Variants in ATRIP observed in about 807,000 individuals in gnomAD.
The protein encoded by ATRIP is ATR-interacting protein.
ATRIP carries 44 observed loss-of-function variants against 78.1 expected under a neutral mutation model. That is an observed-to-expected ratio of 0.56 (90% confidence interval 0.44 to 0.72). The LOEUF is 0.72. Among genes scored for constraint, ATRIP ranks in the 30% least tolerant of loss-of-function variants. ATRIP has a pLI of 0.00. For synonymous variants in ATRIP, 388 were observed against 408.9 expected (o/e 0.95, Z 0.62); for missense variants, 927 against 980.2 (o/e 0.95, Z 0.72).
chr3:48,454,219 A>T, intron 3 of ATRIP, 81 bp from the exon 4 acceptor site: 1 of 774,110 alleles, frequency 1.3e-6, no homozygotes, highest in Non-Finnish European at 2.2e-6. Flanking sequence ...TTTGTCTTTT[A>T]CTGGCTTGTG....
rs754998766 is a variant in ATRIP at position 48,467,242 on chromosome 3, C to T, written c.*1688C>T. 25 of 1,614,000 alleles carry T rather than the reference C, an allele frequency of 1.5e-5. No homozygotes were observed. Among genetic ancestry groups the T allele is most frequent in the Admixed American group, 6.7e-5 (4 of 60,008 alleles). On this transcript the variant is annotated 3_prime_UTR_variant, in exon 13 of 13. Transcript: ENST00000320211. Reference sequence around the variant, plus strand: ...GGGCAGTCCCCTCCAGACTCGCACACGGCTGAGGGTGATGTCCTGGCCCTG... The same window carrying T: ...GGGCAGTCCCCTCCAGACTCGCACATGGCTGAGGGTGATGTCCTGGCCCTG...
chr3:48,467,295 G>T lies in ATRIP; in HGVS notation c.*1741G>T. Reference sequence around the variant, plus strand: ...CAGCATCTGTCAGTGGAGACCACAGGCCCTGCTGCGGTGGGTGGATGCTCA... The same window carrying T: ...CAGCATCTGTCAGTGGAGACCACAGTCCCTGCTGCGGTGGGTGGATGCTCA... On this transcript the variant is annotated 3_prime_UTR_variant, in exon 13 of 13. Coordinates refer to ENST00000320211, the MANE Select transcript of ATRIP (RefSeq NM_130384.3). 2 of 1,614,156 alleles carry T rather than the reference G, an allele frequency of 1.2e-6. No homozygotes were observed. Among genetic ancestry groups the T allele is most frequent in the Non-Finnish European group, 1.7e-6 (2 of 1,180,026 alleles).
Position 48,466,354 on chromosome 3 carries a change from A to G in ATRIP, c.*800A>G. 1.6e-6 allele frequency: 2 copies of G among 1,215,322 alleles called. No homozygotes were observed. Among genetic ancestry groups the G allele is most frequent in the South Asian group, 1.3e-5 (1 of 78,006 alleles). 75.3% of individuals were successfully genotyped at this position (1,215,322 alleles called of 1,614,324 possible). ...TGGGATGGCGCAGGGCAGGAGGGCC[A>G]TGGGTTCCCCCACCCCAGACTAAGG... is the stretch of plus-strand genomic sequence containing the variant. On this transcript the variant is annotated 3_prime_UTR_variant, in exon 13 of 13. Transcript: ENST00000320211.
rs1392616969 is a variant in ATRIP at position 48,460,158 on chromosome 3, G to A, written c.1104G>A (p.Gly368=). The A allele has an allele frequency of 6.2e-7, 1 of 1,613,886 alleles. No homozygotes were observed. The highest frequency in any genetic ancestry group is 1.7e-5 in the Admixed American group (1 of 59,990). Residue 368 remains glycine, a synonymous_variant, in exon 8 of 13, where the codon GGG becomes GGA. Transcript: ENST00000320211. ...SGLRTTGSYD[G]SFSLSALREA... is the part of the protein sequence containing the mutation. ...TCAGGACCACAGGTTCTTATGATGG[G>A]TCATTTTCCCTCTCAGCCCTGAGAG...
chr3:48,451,891 T>C lies in ATRIP; in HGVS notation c.544T>C (p.Ser182Pro). 1 of 1,602,818 alleles carries C rather than the reference T, an allele frequency of 6.2e-7. No homozygotes were observed. The highest frequency in any genetic ancestry group is 8.5e-7 in the Non-Finnish European group (1 of 1,174,156). Residue 182 changes from serine to proline, a missense_variant, in exon 3 of 13, where the codon TCC becomes CCC. By Grantham distance (74) the Ser-to-Pro change is moderately conservative. Transcript: ENST00000320211. ...ACTCAGTGACAAGGAAAAGGAATTC[T>C]CCAAAAAGGTGACCCAGAGCATTTG... is the stretch of plus-strand genomic sequence containing the variant. Reference protein sequence around the residue: ...QALSDKEKEFSKKLQSLQSEL... With the variant: ...QALSDKEKEFPKKLQSLQSEL...
At position 48,450,580 on chromosome 3, in the gene ATRIP, G is replaced by A. The variant is rs966874811; in HGVS notation, c.381+410G>A. ...GTGGAATTTTAGTTGTGCAAGGTAT[G>A]TGACCCAGATTTTTTTTTTTTTTTT... On this transcript the variant is annotated intron_variant, in intron 2 of 12. Transcript: ENST00000320211. 2.5e-5 allele frequency: 30 copies of A among 1,204,736 alleles called. No individual in the cohort carries two copies. In the Middle Eastern group the frequency reaches 7.6e-4, roughly 30 times the overall value. 74.6% of individuals were successfully genotyped at this position (1,204,736 alleles called of 1,614,324 possible). A position where few individuals can be genotyped will look rare whatever the true frequency, so the allele number is the denominator to read the frequency against.
At chr3:48,447,821 A>G (rs1455086704) in intron 1 of ATRIP, among the ~76,000 whole-genome samples, 2 of 152,200 alleles carry the variant, frequency 1.3e-5, no homozygotes, top group Non-Finnish European at 2.9e-5. Flanking sequence ...GCAGACATTC[A>G]GAGAATGATG....
chr3:48,452,504 G>A (rs1394572520), intron 3 of ATRIP, among the ~76,000 whole-genome samples: 2 of 151,896 alleles, frequency 1.3e-5, no homozygotes, highest in Non-Finnish European at 2.9e-5. Flanking sequence ...CAACTAGTGA[G>A]ACCTCATCTC....
rs768972047 is a variant in ATRIP at position 48,463,797 on chromosome 3, C to T, written c.1798C>T (p.Leu600=). The T allele has an allele frequency of 1.2e-6, 2 of 1,614,070 alleles. No homozygotes were observed. Among genetic ancestry groups the T allele is most frequent in the South Asian group, 1.1e-5 (1 of 91,092 alleles). ...LPKCLSPETP[L]PSVLLAVELL... Reference sequence around the variant, plus strand: ...AAAGTGCCTCAGCCCAGAGACACCCCTGCCTAGCGTGCTGCTGGCTGTTGA... The same window carrying T: ...AAAGTGCCTCAGCCCAGAGACACCCTTGCCTAGCGTGCTGCTGGCTGTTGA... The change falls in exon 9 of 13, where the codon CTG becomes TTG. Residue 600 remains leucine, a synonymous_variant. Coordinates refer to ENST00000320211, the MANE Select transcript of ATRIP (RefSeq NM_130384.3).
intron 8 of ATRIP, among the ~76,000 whole-genome samples, chr3:48,462,034 G>A (rs1349937718): frequency 6.6e-6 from 1 of 151,656 alleles, no homozygotes; most frequent in Non-Finnish European, 1.5e-5. Context: ...ATTGTTAAAT[G>A]AATGAATCCC....
At chr3:48,461,149 G>A (rs965500691) in intron 8 of ATRIP, among the ~76,000 whole-genome samples, 2 of 152,330 alleles carry the variant, frequency 1.3e-5, no homozygotes, top group South Asian at 2.1e-4. Context: ...TCACAAGCAC[G>A]TTGAAGTTTA....
intron 1 of ATRIP, among the ~76,000 whole-genome samples, chr3:48,449,770 CAAAAAAAAAA>C (rs779657943): frequency 2.3e-5 from 1 of 43,316 alleles, no homozygotes; most frequent in African/African-American, 7.7e-5. Flanking sequence ...TACTAAAATC[CAAAAAAAAAA>C]AAAAAAAAAA....
chr3:48,467,046 T>C lies in ATRIP; in HGVS notation c.*1492T>C, dbSNP rs1064796645. On this transcript the variant is annotated 3_prime_UTR_variant, in exon 13 of 13. Transcript: ENST00000320211. ...GGCACACAATGGTGACCGCTACGAC[T>C]TCCCCCTGCTCCAAGCAGAGCTGGC... The C allele has an allele frequency of 1.2e-6, 2 of 1,613,824 alleles. No homozygotes were observed. The highest frequency in any genetic ancestry group is 1.3e-5 in the African/African-American group (1 of 74,918).
chr3:48,452,435 C>T (rs1271312406), intron 3 of ATRIP, among the ~76,000 whole-genome samples: 1 of 152,220 alleles, frequency 6.6e-6, no homozygotes, highest in East Asian at 1.9e-4. Flanking sequence ...TATAATCCAG[C>T]ACTTTGGGAG....
intron 5 of ATRIP, among the ~76,000 whole-genome samples, chr3:48,458,534 A>C (rs1420317677): frequency 6.6e-6 from 1 of 152,024 alleles, no homozygotes; most frequent in Non-Finnish European, 1.5e-5. Context: ...GTTGGCCTGG[A>C]TGGTCTCAAT....
Position 48,465,094 on chromosome 3 carries a change from C to A in ATRIP, c.2308+11C>A. The A allele has an allele frequency of 6.2e-7, 1 of 1,600,136 alleles. No individual in the cohort carries two copies. The highest frequency in any genetic ancestry group is 1.7e-5 in the Admixed American group (1 of 59,720). Reference sequence around the variant, plus strand: ...TGACGGACTGTGAAGGTAAGCCTGCCAGAGGCCATCCTGCCCAGCCCCCAT... The same window carrying A: ...TGACGGACTGTGAAGGTAAGCCTGCAAGAGGCCATCCTGCCCAGCCCCCAT... On this transcript the variant is annotated intron_variant, in intron 12 of 12. Transcript: ENST00000320211.
intron 3 of ATRIP, among the ~76,000 whole-genome samples, chr3:48,453,279 A>C (rs2039878556): frequency 6.6e-6 from 1 of 152,152 alleles, no homozygotes; most frequent in African/African-American, 2.4e-5. Context: ...TCATGCTTCA[A>C]TCTCAAGGAC....
intron 5 of ATRIP, among the ~76,000 whole-genome samples, chr3:48,458,192 C>T (rs1409606288): frequency 6.6e-6 from 1 of 151,760 alleles, no homozygotes; most frequent in African/African-American, 2.4e-5. Flanking sequence ...ATTCTCCTGC[C>T]TCAGACTCCC....
chr3:48,446,770 G>GGTTGGTCCA lies in ATRIP; in HGVS notation c.-72_-64dup, dbSNP rs2039681380. ...CGGAGGCAAGCGGCGGCGCGCGGAC[G>GGTTGGTCCA]GTTGGTCCAGTTCTCCGGCCTGGCG... On this transcript the variant is annotated 5_prime_UTR_variant, in exon 1 of 13. Transcript: ENST00000320211. The GGTTGGTCCA allele has an allele frequency of 7.5e-7, 1 of 1,334,146 alleles. No individual in the cohort carries two copies. The highest frequency in any genetic ancestry group is 1.5e-5 in the African/African-American group (1 of 65,948). 82.6% of individuals were successfully genotyped at this position (1,334,146 alleles called of 1,614,324 possible). A position where few individuals can be genotyped will look rare whatever the true frequency, so the allele number is the denominator to read the frequency against.
Sources: gnomAD v4.1 joint callset for allele counts (sites outside exome capture counted in the v4.1 genomes callset) on GRCh38, gnomAD v4.1.1 for gene constraint, MANE v1.5 for transcripts, NCBI Gene and HGNC (gene_info 2026-07-23, HGNC 2026-07-21) for gene names.